The following SMS variants were observed in gnomAD, a reference collection of about 807,000 sequenced individuals.
SMS encodes spermidine aminopropyltransferase.
In SMS, 3 loss-of-function variants were observed where a neutral mutation model predicts 33.0. The observed-to-expected ratio is 0.09, with a 90% CI of 0.04 to 0.23. The LOEUF is 0.23. Ranked by LOEUF, SMS falls within the 10% of genes least tolerant of loss-of-function variation. The pLI is 1.00. For missense variants in SMS, 117 were observed against 288.6 expected, an observed-to-expected ratio of 0.41 and a Z score of 4.31; for synonymous variants, 103 against 112.2, an observed-to-expected ratio of 0.92 and a Z score of 0.52.
intron 10 of SMS, among the ~76,000 whole-genome samples, chrX:21,993,491 C>G (rs1027719371): frequency 1.9e-4 from 21 of 112,751 alleles, no homozygotes; most frequent in African/African-American, 6.4e-4. Context: ...AGTCCAGGTT[C>G]CTGTGACGGC....
At position 21,994,804 on chromosome X, in the gene SMS, T is replaced by A. The variant is rs1331306366; in HGVS notation, c.*453T>A. ...CTTATAAGAGAGAGTTAAAAAAAAA[T>A]AGGATTGCTTCAATTAAAATTACAA... On this transcript the variant is annotated 3_prime_UTR_variant, in exon 11 of 11. Transcript: ENST00000404933. 2.7e-6 allele frequency: 2 copies of A among 741,839 alleles called. No individual in the cohort carries two copies. Among genetic ancestry groups the A allele is most frequent in the Non-Finnish European group, 3.2e-6 (2 of 629,719 alleles). 61.1% of individuals were successfully genotyped at this position (741,839 alleles called of 1,213,427 possible).
intron 1 of SMS, among the ~76,000 whole-genome samples, chrX:21,943,310 A>G (rs1921954517): frequency 8.9e-6 from 1 of 111,934 alleles, no homozygotes; most frequent in Admixed American, 9.5e-5. Context: ...TAAAGTGGGA[A>G]AAGAGCGAAT....
intron 2 of SMS, among the ~76,000 whole-genome samples, chrX:21,969,983 T>C (rs1299758635): frequency 8.9e-6 from 1 of 112,907 alleles, no homozygotes; most frequent in African/African-American, 3.2e-5. Context: ...CCAGATAATT[T>C]TGTGTTTTTA....
intron 9 of SMS, among the ~76,000 whole-genome samples, chrX:21,985,647 C>T (rs773677750): frequency 9.0e-6 from 1 of 111,609 alleles, no homozygotes; most frequent in East Asian, 2.8e-4. Flanking sequence ...TATTGAAATC[C>T]TTAACAAAAT....
At chrX:21,963,753 G>A (rs184810788) in intron 1 of SMS, among the ~76,000 whole-genome samples, 153 of 112,103 alleles carry the variant, frequency 1.4e-3, no homozygotes, top group African/African-American at 4.5e-3. Flanking sequence ...TCAATTACAC[G>A]CAGGGTGGCC....
intron 1 of SMS, among the ~76,000 whole-genome samples, chrX:21,950,449 TTTTTTAA>T (rs1421007747): frequency 9.3e-6 from 1 of 107,347 alleles, no homozygotes; most frequent in African/African-American, 3.4e-5. Flanking sequence ...TTTTTTTTTT[TTTTTTAA>T]TTTGAGTTCT....
intron 1 of SMS, among the ~76,000 whole-genome samples, chrX:21,959,583 C>T (rs1264891268): frequency 1.8e-5 from 2 of 112,378 alleles, no homozygotes; most frequent in African/African-American, 6.5e-5. Flanking sequence ...GAGTTTTGAC[C>T]AATGCATACA....
At chrX:21,944,539 A>AG (rs1555992681) in intron 1 of SMS, among the ~76,000 whole-genome samples, 8 of 81,435 alleles carry the variant, frequency 9.8e-5, no homozygotes, top group East Asian at 3.9e-4. Flanking sequence ...AAAAAAAAAA[A>AG]AAAAAAGAAA....
chrX:21,983,952 A>T (rs2146953103), intron 7 of SMS, among the ~76,000 whole-genome samples: 1 of 112,113 alleles, frequency 8.9e-6, no homozygotes, highest in Admixed American at 9.5e-5. Context: ...TAGATTAGAG[A>T]TGAAAGTATG....
At chrX:21,982,864 G>A (rs1031416912) in intron 7 of SMS, among the ~76,000 whole-genome samples, 2 of 111,967 alleles carry the variant, frequency 1.8e-5, no homozygotes, top group Non-Finnish European at 1.9e-5. Flanking sequence ...AAGCAACGGT[G>A]GTGTTAGTAC....
chrX:21,950,877 T>C (rs1922561569), intron 1 of SMS, among the ~76,000 whole-genome samples: 1 of 112,186 alleles, frequency 8.9e-6, no homozygotes, highest in African/African-American at 3.2e-5. Flanking sequence ...TCCAAGTCTT[T>C]GTTATTGTAA....
At chrX:21,982,975 G>T (rs1925068882) in intron 7 of SMS, among the ~76,000 whole-genome samples, 1 of 111,993 alleles carries the variant, frequency 8.9e-6, no homozygotes, top group African/African-American at 3.2e-5. Flanking sequence ...TAACTGTGAG[G>T]CTATAAGAAG....
intron 1 of SMS, among the ~76,000 whole-genome samples, chrX:21,951,954 T>G (rs1922633798): frequency 8.9e-6 from 1 of 111,973 alleles, no homozygotes; most frequent in African/African-American, 3.3e-5. Flanking sequence ...CTGTCACAAG[T>G]AGATAACCAC....
Position 21,947,575 on chromosome X carries a change from T to C in SMS, c.49+6702T>C, listed in dbSNP as rs1922324611. ...AAGTCCTGTGGCTTCTGCCTGCCAA[T>C]GTTCTCAAATTTGTTGCTCATCACC... On this transcript the variant is annotated intron_variant, in intron 1 of 10. Coordinates refer to ENST00000404933, the MANE Select transcript of SMS (RefSeq NM_004595.5). Among the ~76,000 whole-genome samples the C allele has an allele frequency of 7.2e-5, 8 of 111,765 alleles. No individual in the cohort carries two copies. The South Asian group carries it at 3.0e-3, about 42-fold the overall frequency.
At chrX:21,980,429 A>AAAAAAAAAAAT (rs1260210326) in intron 7 of SMS, among the ~76,000 whole-genome samples, 4 of 63,047 alleles carry the variant, frequency 6.3e-5, no homozygotes, top group Non-Finnish European at 1.2e-4. Context: ...AAAAAAAAAA[A>AAAAAAAAAAAT]ATATATATAT....
chrX:21,992,025 GAAGTT>G (rs1353186892), intron 9 of SMS, among the ~76,000 whole-genome samples: 1 of 112,030 alleles, frequency 8.9e-6, no homozygotes, highest in African/African-American at 3.2e-5. Context: ...TTAGAATAAT[GAAGTT>G]AAGAGAAAGT....
At chrX:21,967,727 T>C (rs1415295536) in intron 2 of SMS, among the ~76,000 whole-genome samples, 1 of 110,969 alleles carries the variant, frequency 9.0e-6, no homozygotes, top group Non-Finnish European at 1.9e-5. Flanking sequence ...ACCCAGGGAG[T>C]GGTGTGCAGA....
chrX:21,993,545 G>A (rs1363903663), intron 10 of SMS, among the ~76,000 whole-genome samples: 3 of 112,321 alleles, frequency 2.7e-5, no homozygotes, highest in Admixed American at 1.9e-4. Context: ...CTGACCTCCA[G>A]TGAGGCCTGG....
chrX:21,983,779 A>G (rs181691022), intron 7 of SMS, among the ~76,000 whole-genome samples: 2 of 112,003 alleles, frequency 1.8e-5, no homozygotes, highest in Non-Finnish European at 1.9e-5. Context: ...TCCCAGCACT[A>G]TGAGAGTCTG....
Sources: allele counts gnomAD v4.1 joint callset (sites outside exome capture counted in the v4.1 genomes callset), GRCh38; gene constraint gnomAD v4.1.1; transcripts MANE v1.5; gene names NCBI Gene and HGNC (gene_info 2026-07-23, HGNC 2026-07-21).